Variants in SH3GL2 observed in about 807,000 individuals in gnomAD.
SH3GL2 encodes the protein endophilin-A1.
A neutral mutation model predicts 46.0 loss-of-function variants in SH3GL2; 24 were observed. The ratio of observed to expected loss-of-function variants is 0.52; its 90% confidence interval spans 0.38 to 0.73. The LOEUF (loss-of-function observed/expected upper bound fraction) is 0.73, where lower values mean the gene tolerates loss of function less well. Among genes scored for constraint, SH3GL2 ranks in the 30% least tolerant of loss-of-function variants. SH3GL2 has a pLI of 0.00. For missense variants in SH3GL2, 413 were observed against 424.2 expected (o/e 0.97, Z 0.23); for synonymous variants, 196 against 147.1 (o/e 1.33, Z -2.40).
At chr9:17,758,200 G>A (rs1044096721) in intron 2 of SH3GL2, among the ~76,000 whole-genome samples, 8 of 152,060 alleles carry the variant, frequency 5.3e-5, no homozygotes, top group Admixed American at 6.6e-5. Context: ...AAATTAAAGC[G>A]TTAAACAGAA....
intron 1 of SH3GL2, among the ~76,000 whole-genome samples, chr9:17,688,441 A>T (rs1820983418): frequency 6.6e-6 from 1 of 152,050 alleles, no homozygotes; most frequent in Non-Finnish European, 1.5e-5. Flanking sequence ...CATTATTTAT[A>T]AGCAGGAGAA....
chr9:17,779,589 C>T (rs1452867936), intron 3 of SH3GL2, among the ~76,000 whole-genome samples: 1 of 152,144 alleles, frequency 6.6e-6, no homozygotes, highest in Non-Finnish European at 1.5e-5. Context: ...TATAAAGCTC[C>T]TGGCTTAGAG....
chr9:17,665,666 T>G (rs1276992441), intron 1 of SH3GL2, among the ~76,000 whole-genome samples: 1 of 151,906 alleles, frequency 6.6e-6, no homozygotes, highest in Non-Finnish European at 1.5e-5. Context: ...GTTCTTTACA[T>G]CATACATCAT....
chr9:17,719,768 G>C (rs1278190793), intron 1 of SH3GL2, among the ~76,000 whole-genome samples: 1 of 151,206 alleles, frequency 6.6e-6, no homozygotes, highest in Non-Finnish European at 1.5e-5. Context: ...ACTCTAGTCT[G>C]GGTAACGAAG....
chr9:17,777,794 A>G (rs1823684048), intron 3 of SH3GL2, among the ~76,000 whole-genome samples: 1 of 152,048 alleles, frequency 6.6e-6, no homozygotes, highest in Admixed American at 6.6e-5. Context: ...TCCTAAAAGC[A>G]CTATCTCAAA....
chr9:17,733,528 T>C (rs1669221634), intron 1 of SH3GL2, among the ~76,000 whole-genome samples: 1 of 150,968 alleles, frequency 6.6e-6, no homozygotes, highest in African/African-American at 2.4e-5. Flanking sequence ...GGTGGGACTG[T>C]AAACTAGTTC....
intron 3 of SH3GL2, among the ~76,000 whole-genome samples, chr9:17,772,711 G>A (rs1301469824): frequency 6.6e-6 from 1 of 152,154 alleles, no homozygotes; most frequent in African/African-American, 2.4e-5. Context: ...TCTGTTGTGT[G>A]TAAATAGTGC....
chr9:17,585,843 T>C (rs1818366638), intron 1 of SH3GL2, among the ~76,000 whole-genome samples: 1 of 152,164 alleles, frequency 6.6e-6, no homozygotes, highest in South Asian at 2.1e-4. Flanking sequence ...TGGGAATGAA[T>C]GTTGAGGCAG....
At chr9:17,788,304 C>A (rs1013937128) in intron 5 of SH3GL2, among the ~76,000 whole-genome samples, 3 of 152,054 alleles carry the variant, frequency 2.0e-5, no homozygotes, top group Non-Finnish European at 4.4e-5. Flanking sequence ...CAATGCTGTA[C>A]CCTATAGCTC....
intron 1 of SH3GL2, among the ~76,000 whole-genome samples, chr9:17,678,948 G>A (rs10756897): frequency 0.28 from 41,809 of 151,990 alleles, 6,942 homozygotes; most frequent in East Asian, 0.53. Context: ...TTGTAGATGT[G>A]TGATATTATT....
chr9:17,772,820 A>G (rs897164000), intron 3 of SH3GL2, among the ~76,000 whole-genome samples: 8 of 152,130 alleles, frequency 5.3e-5, no homozygotes, highest in African/African-American at 1.9e-4. Flanking sequence ...TACAAATATC[A>G]CTCTGAAACT....
chr9:17,650,802 T>C (rs1272697338), intron 1 of SH3GL2, among the ~76,000 whole-genome samples: 2 of 152,230 alleles, frequency 1.3e-5, no homozygotes, highest in African/African-American at 4.8e-5. Flanking sequence ...TGATAATTCT[T>C]TTTAGGGCAT....
At chr9:17,677,935 A>C (rs1279400504) in intron 1 of SH3GL2, among the ~76,000 whole-genome samples, 3 of 152,124 alleles carry the variant, frequency 2.0e-5, no homozygotes, top group Non-Finnish European at 4.4e-5. Context: ...AGCTTCATCC[A>C]TGTCCCTACA....
intron 1 of SH3GL2, among the ~76,000 whole-genome samples, chr9:17,647,105 T>C (rs1420626096): frequency 6.6e-6 from 1 of 152,210 alleles, no homozygotes; most frequent in African/African-American, 2.4e-5. Flanking sequence ...GCAGTATGGC[T>C]ACAGTGGCTT....
At chr9:17,598,768 AG>A (rs1363622877) in intron 1 of SH3GL2, among the ~76,000 whole-genome samples, 1 of 152,170 alleles carries the variant, frequency 6.6e-6, no homozygotes, top group Non-Finnish European at 1.5e-5. Flanking sequence ...TCCTGAAGGG[AG>A]GGATCAAGTT....
At chr9:17,613,620 C>T (rs948234345) in intron 1 of SH3GL2, among the ~76,000 whole-genome samples, 4 of 152,120 alleles carry the variant, frequency 2.6e-5, no homozygotes, top group African/African-American at 4.8e-5. Context: ...CCTCTAGTTA[C>T]GTGAAGACCT....
intron 8 of SH3GL2, 60 bp from the exon 9 acceptor site, chr9:17,795,484 G>GT: frequency 7.2e-7 from 1 of 1,380,704 alleles, no homozygotes; most frequent in Non-Finnish European, 1.0e-6. Flanking sequence ...AGCAGATTCT[G>GT]TGAGTTAAAT....
intron 1 of SH3GL2, among the ~76,000 whole-genome samples, chr9:17,580,052 T>C (rs1284733246): frequency 1.3e-5 from 2 of 152,236 alleles, no homozygotes; most frequent in African/African-American, 4.8e-5. Context: ...GTTAATAAGC[T>C]GTGACTGTAA....
intron 1 of SH3GL2, among the ~76,000 whole-genome samples, chr9:17,703,795 A>T (rs1821397360): frequency 6.6e-6 from 1 of 152,058 alleles, no homozygotes; most frequent in Non-Finnish European, 1.5e-5. Context: ...ACATCAAAGG[A>T]ATATACCTCA....
Sources: gnomAD v4.1 joint callset for allele counts (sites outside exome capture counted in the v4.1 genomes callset) on GRCh38, gnomAD v4.1.1 for gene constraint, MANE v1.5 for transcripts, NCBI Gene and HGNC (gene_info 2026-07-23, HGNC 2026-07-21) for gene names.